Variants in PLEKHM3 observed in about 807,000 individuals in gnomAD.
The protein encoded by PLEKHM3 is pleckstrin homology domain containing M3, also known as pleckstrin homology domain-containing family M member 3.
PLEKHM3 carries 45 observed loss-of-function variants against 81.8 expected under a neutral mutation model. That is an observed-to-expected ratio of 0.55 (90% CI 0.43 to 0.71). The LOEUF (loss-of-function observed/expected upper bound fraction) is 0.71, where lower values mean the gene tolerates loss of function less well. PLEKHM3 is among the 30% of genes least tolerant of loss of function. The probability of loss-of-function intolerance (pLI) is 0.00; values close to 1 mark genes in which losing one functional copy is unlikely to be tolerated. For synonymous variants in PLEKHM3, 352 were observed against 356.4 expected, an observed-to-expected ratio of 0.99 and a Z score of 0.14; for missense variants, 788 against 924.3, an observed-to-expected ratio of 0.85 and a Z score of 1.91.
Position 207,993,442 on chromosome 2 carries a change from G to C in PLEKHM3, c.610+7588C>G, listed in dbSNP as rs149159370. Among the ~76,000 whole-genome samples the C allele has an allele frequency of 9.7e-3, 1,464 of 151,482 alleles. 22 individuals are homozygous for C. The highest frequency in any genetic ancestry group is 0.034 in the African/African-American group (1,393 of 41,242). On this transcript the variant is annotated intron_variant, in intron 2 of 7. Coordinates refer to ENST00000427836, the MANE Select transcript of PLEKHM3 (RefSeq NM_001080475.3). ...TATTCCCACCTCTACTGGCTCCAAGGCTTTTGAGAAACATCATAATTGAAA... is the reference window on the plus strand; with the variant it reads ...TATTCCCACCTCTACTGGCTCCAAGCCTTTTGAGAAACATCATAATTGAAA...
chr2:207,937,520 C>T (rs1490462628), intron 4 of PLEKHM3, among the ~76,000 whole-genome samples: 1 of 150,150 alleles, frequency 6.7e-6, no homozygotes, highest in Non-Finnish European at 1.5e-5. Flanking sequence ...CAGTGAGTTA[C>T]AGTCATGCCA....
intron 7 of PLEKHM3, among the ~76,000 whole-genome samples, chr2:207,836,308 A>C (rs2092318758): frequency 1.4e-5 from 1 of 70,974 alleles, no homozygotes; most frequent in African/African-American, 7.3e-5. Flanking sequence ...TGGGCGACAG[A>C]GAGAGAGTCT....
intron 3 of PLEKHM3, among the ~76,000 whole-genome samples, chr2:207,955,697 C>T (rs1314327017): frequency 6.6e-6 from 1 of 152,166 alleles, no homozygotes; most frequent in East Asian, 1.9e-4. Flanking sequence ...ATAAAAGTGG[C>T]AATGTGGCAT....
chr2:207,964,489 G>A (rs921975453), intron 3 of PLEKHM3, among the ~76,000 whole-genome samples: 1 of 152,160 alleles, frequency 6.6e-6, no homozygotes, highest in Non-Finnish European at 1.5e-5. Context: ...AGGATTCCAT[G>A]AGAGTGGAGG....
intron 5 of PLEKHM3, among the ~76,000 whole-genome samples, chr2:207,929,606 T>C (rs1216642192): frequency 6.6e-6 from 1 of 152,252 alleles, no homozygotes; most frequent in Non-Finnish European, 1.5e-5. Flanking sequence ...CCTGATCTTT[T>C]AAAATTAAGA....
At chr2:208,019,528 T>C (rs1693051468) in intron 1 of PLEKHM3, 1 of 152,276 alleles carries the variant, frequency 6.6e-6, no homozygotes, top group Non-Finnish European at 1.5e-5. Flanking sequence ...TTGAATGGCC[T>C]CTTATATGCT....
chr2:207,996,609 A>T (rs962367442), intron 2 of PLEKHM3, among the ~76,000 whole-genome samples: 2 of 152,238 alleles, frequency 1.3e-5, no homozygotes, highest in Non-Finnish European at 2.9e-5. Context: ...AATCGCTTCC[A>T]TCAGTGACTA....
chr2:207,939,522 G>T (rs1443221095), intron 4 of PLEKHM3, among the ~76,000 whole-genome samples: 1 of 152,160 alleles, frequency 6.6e-6, no homozygotes, highest in African/African-American at 2.4e-5. Context: ...AAGGCTAAGA[G>T]AATTGTATTT....
At chr2:207,938,455 CTATT>C (rs1689832943) in intron 4 of PLEKHM3, among the ~76,000 whole-genome samples, 1 of 152,184 alleles carries the variant, frequency 6.6e-6, no homozygotes, top group Non-Finnish European at 1.5e-5. Context: ...TTTTAAATGG[CTATT>C]CAAGCCAGTC....
intron 2 of PLEKHM3, among the ~76,000 whole-genome samples, chr2:207,989,156 G>C (rs911130366): frequency 2.0e-5 from 3 of 152,090 alleles, no homozygotes; most frequent in Non-Finnish European, 2.9e-5. Context: ...AAATATTGTT[G>C]ACTGTATCAG....
intron 2 of PLEKHM3, among the ~76,000 whole-genome samples, chr2:207,979,745 T>C (rs1336012732): frequency 4.6e-5 from 7 of 151,964 alleles, no homozygotes; most frequent in African/African-American, 1.7e-4. Context: ...TAAAGATTTC[T>C]GCTTTTGACT....
chr2:207,911,403 T>C (rs1220219839), intron 5 of PLEKHM3, among the ~76,000 whole-genome samples: 1 of 152,198 alleles, frequency 6.6e-6, no homozygotes, highest in Non-Finnish European at 1.5e-5. Flanking sequence ...TTATCCAGCT[T>C]CCCCTAATGC....
chr2:207,863,608 C>T (rs1285558200), intron 6 of PLEKHM3, among the ~76,000 whole-genome samples: 1 of 152,226 alleles, frequency 6.6e-6, no homozygotes, highest in Non-Finnish European at 1.5e-5. Context: ...GTGCTGGGCC[C>T]TGGCAGTGCC....
At chr2:207,828,573 G>A in intron 7 of PLEKHM3, 77 bp from the exon 8 acceptor site, 1 of 1,440,598 alleles carries the variant, frequency 6.9e-7, no homozygotes, top group African/African-American at 1.4e-5. Flanking sequence ...GTGGCCTCAG[G>A]TGCAGCTGGT....
chr2:207,967,456 C>CTCA (rs1690955971), intron 3 of PLEKHM3, among the ~76,000 whole-genome samples: 1 of 152,210 alleles, frequency 6.6e-6, no homozygotes, highest in Non-Finnish European at 1.5e-5. Flanking sequence ...CCTACTAAAT[C>CTCA]TCATCTTGTT....
intron 2 of PLEKHM3, among the ~76,000 whole-genome samples, chr2:207,995,763 A>G (rs757278080): frequency 6.6e-5 from 10 of 152,168 alleles, no homozygotes; most frequent in Non-Finnish European, 1.3e-4. Flanking sequence ...TCTCTCACTC[A>G]CCCTGAGAAT....
intron 2 of PLEKHM3, among the ~76,000 whole-genome samples, chr2:207,984,143 T>G (rs968786163): frequency 6.6e-6 from 1 of 152,226 alleles, no homozygotes; most frequent in African/African-American, 2.4e-5. Context: ...ATCGCAAATT[T>G]CTGCCATTCT....
intron 6 of PLEKHM3, among the ~76,000 whole-genome samples, chr2:207,863,912 A>T (rs1009129269): frequency 3.0e-4 from 22 of 73,532 alleles, no homozygotes; most frequent in Non-Finnish European, 5.8e-4. Flanking sequence ...AAAAGCAAAA[A>T]AAATATATAT....
Position 207,852,234 on chromosome 2 carries a change from A to T in PLEKHM3, c.2108+8871T>A, listed in dbSNP as rs1009657378. Among the ~76,000 whole-genome samples the T allele has an allele frequency of 3.3e-5, 5 of 152,258 alleles. No individual in the cohort carries two copies. In the East Asian group the frequency reaches 9.6e-4, roughly 29 times the overall value. On this transcript the variant is annotated intron_variant, in intron 7 of 7. Coordinates refer to ENST00000427836, the MANE Select transcript of PLEKHM3 (RefSeq NM_001080475.3). The stretch of plus-strand genomic sequence containing the variant: ...AAACATGGATTTTGGAGTCAGATGT[A>T]TTTGGATTCAGGTTTTGGCCTTATC...
Sources: gnomAD v4.1 joint callset for allele counts (sites outside exome capture counted in the v4.1 genomes callset) on GRCh38, gnomAD v4.1.1 for gene constraint, MANE v1.5 for transcripts, NCBI Gene and HGNC (gene_info 2026-07-23, HGNC 2026-07-21) for gene names.